Variants in GBE1 observed in about 807,000 individuals in gnomAD.
GBE1 encodes the protein 1,4-alpha-glucan branching enzyme 1.
In GBE1, 70 loss-of-function variants were observed where a neutral mutation model predicts 88.8. The observed-to-expected ratio is 0.79, with a 90% CI of 0.65 to 0.96. The LOEUF is 0.96. Ranked by LOEUF, GBE1 falls within the 40% of genes least tolerant of loss-of-function variation. The pLI is 0.00. For missense variants in GBE1, 872 were observed against 871.0 expected (o/e 1.00, Z -0.01); for synonymous variants, 284 against 300.1 (o/e 0.95, Z 0.56).
chr3:81,734,409 T>C (rs999965435), intron 1 of GBE1, among the ~76,000 whole-genome samples: 1 of 150,348 alleles, frequency 6.7e-6, no homozygotes, highest in Non-Finnish European at 1.5e-5. Flanking sequence ...CACAAGTCAT[T>C]TGGGGAAAAA....
chr3:81,688,557 GTAT>G (rs1450463318), intron 2 of GBE1, among the ~76,000 whole-genome samples: 1 of 152,084 alleles, frequency 6.6e-6, no homozygotes, highest in Non-Finnish European at 1.5e-5. Context: ...AGCATAAATA[GTAT>G]TCTTTTAATA....
At chr3:81,747,217 C>A (rs1706429561) in intron 1 of GBE1, among the ~76,000 whole-genome samples, 1 of 151,854 alleles carries the variant, frequency 6.6e-6, no homozygotes, top group Non-Finnish European at 1.5e-5. Flanking sequence ...CATGATTCAT[C>A]AAAATAAATG....
chr3:81,612,543 C>CTGG (rs1407411077), intron 7 of GBE1: 1 of 830,166 alleles, frequency 1.2e-6, no homozygotes, highest in Admixed American at 1.8e-5. Flanking sequence ...AGTGCGAACA[C>CTGG]TGGTGGATGG....
chr3:81,608,068 T>C (rs1293347026), intron 7 of GBE1, among the ~76,000 whole-genome samples: 1 of 152,216 alleles, frequency 6.6e-6, no homozygotes, highest in Non-Finnish European at 1.5e-5. Flanking sequence ...CCAAAATTCA[T>C]GTTGTTGAAA....
At chr3:81,672,109 G>A (rs1705198245) in intron 2 of GBE1, among the ~76,000 whole-genome samples, 1 of 151,858 alleles carries the variant, frequency 6.6e-6, no homozygotes, top group East Asian at 1.9e-4. Context: ...TCGCACTCAG[G>A]ACATTGGCAA....
chr3:81,513,760 T>C (rs1204673108), intron 14 of GBE1, among the ~76,000 whole-genome samples: 1 of 151,466 alleles, frequency 6.6e-6, no homozygotes, highest in Non-Finnish European at 1.5e-5. Flanking sequence ...GCGACACTGT[T>C]GTTAAGCCTT....
In GBE1 at chr3:81,593,925, TA is replaced by T; in HGVS notation, c.1090del (p.Tyr364IlefsTer22). 6.4e-7 allele frequency: 1 copy of T among 1,560,424 alleles called. No individual in the cohort carries two copies. Among genetic ancestry groups the T allele is most frequent in the Non-Finnish European group, 8.7e-7 (1 of 1,146,702 alleles). On this transcript the variant is annotated frameshift_variant, in exon 8 of 16. Transcript: ENST00000429644. LOFTEE classifies it high-confidence loss of function. ...FRFDGVTSML[Y>X]HHHGVGQGFS... ...TTACCTACCCACTCCATGGTGATGATAAAGCATGGACGTAACACCATCAAAA... is the reference window on the plus strand; with the variant it reads ...TTACCTACCCACTCCATGGTGATGATAAGCATGGACGTAACACCATCAAAA...
chr3:81,624,878 T>C (rs558434786), intron 7 of GBE1, among the ~76,000 whole-genome samples: 14 of 152,116 alleles, frequency 9.2e-5, no homozygotes, highest in South Asian at 2.1e-4. Flanking sequence ...ACGTTTATGC[T>C]CAAATAGCCT....
At chr3:81,502,177 T>C (rs925249946) in intron 14 of GBE1, among the ~76,000 whole-genome samples, 1 of 152,122 alleles carries the variant, frequency 6.6e-6, no homozygotes, top group African/African-American at 2.4e-5. Flanking sequence ...CACCAAAAAA[T>C]GCAATTTTAA....
intron 12 of GBE1, among the ~76,000 whole-genome samples, chr3:81,571,314 C>G (rs1703571597): frequency 6.6e-6 from 1 of 152,042 alleles, no homozygotes; most frequent in Non-Finnish European, 1.5e-5. Flanking sequence ...ACAAATAAAC[C>G]AATGGGTTTA....
chr3:81,658,847 C>G (rs1472000922), intron 3 of GBE1, among the ~76,000 whole-genome samples: 1 of 152,022 alleles, frequency 6.6e-6, no homozygotes, highest in Non-Finnish European at 1.5e-5. Flanking sequence ...AAAACGATAT[C>G]CCTGAACAAG....
chr3:81,658,776 G>A (rs1349789978), intron 3 of GBE1, among the ~76,000 whole-genome samples: 1 of 152,160 alleles, frequency 6.6e-6, no homozygotes, highest in African/African-American at 2.4e-5. Context: ...CTTACAAAGT[G>A]AGGTCACTAC....
chr3:81,519,048 G>A (rs1375638288), intron 14 of GBE1, among the ~76,000 whole-genome samples: 1 of 151,518 alleles, frequency 6.6e-6, no homozygotes, highest in Non-Finnish European at 1.5e-5. Context: ...TAAGTCCTTT[G>A]TTTTTATTTG....
intron 7 of GBE1, among the ~76,000 whole-genome samples, chr3:81,625,130 G>C (rs1290754960): frequency 6.6e-6 from 1 of 151,652 alleles, no homozygotes; most frequent in Non-Finnish European, 1.5e-5. Context: ...GGAGGGATGT[G>C]TGGTGTGGGG....
intron 15 of GBE1, among the ~76,000 whole-genome samples, chr3:81,493,266 C>T (rs1406465651): frequency 6.6e-6 from 1 of 151,970 alleles, no homozygotes; most frequent in Admixed American, 6.6e-5. Flanking sequence ...GTAAAAAGAC[C>T]CTGATAAGTC....
At chr3:81,753,742 A>G (rs1706564394) in intron 1 of GBE1, among the ~76,000 whole-genome samples, 2 of 152,234 alleles carry the variant, frequency 1.3e-5, no homozygotes, top group South Asian at 4.1e-4. Flanking sequence ...GAGTTAGTAA[A>G]GATCTCAGCT....
intron 4 of GBE1, 113 bp downstream of exon 4, chr3:81,649,683 G>A (rs566305770): frequency 1.7e-5 from 13 of 762,998 alleles, no homozygotes; most frequent in African/African-American, 7.2e-5. Context: ...TGTAAAATAC[G>A]CAACTGTCAG....
intron 1 of GBE1, among the ~76,000 whole-genome samples, chr3:81,735,832 C>T (rs1452089466): frequency 6.6e-6 from 1 of 152,094 alleles, no homozygotes; most frequent in Non-Finnish European, 1.5e-5. Flanking sequence ...TGTCAAGTTT[C>T]TACTCCACAC....
intron 3 of GBE1, among the ~76,000 whole-genome samples, chr3:81,652,334 T>C (rs1052154226): frequency 2.0e-4 from 31 of 152,350 alleles, no homozygotes; most frequent in African/African-American, 7.2e-4. Flanking sequence ...ATCGACAATA[T>C]GGTAACAGGT....
Sources: allele counts gnomAD v4.1 joint callset (sites outside exome capture counted in the v4.1 genomes callset), GRCh38; gene constraint gnomAD v4.1.1; transcripts MANE v1.5; gene names NCBI Gene and HGNC (gene_info 2026-07-23, HGNC 2026-07-21).